DDX60: variants seen among roughly 807,000 people sequenced by gnomAD.
DDX60 encodes the protein probable ATP-dependent RNA helicase DDX60.
Under a neutral mutation model 212.8 loss-of-function variants are expected in DDX60, and 165 were observed. That is an observed-to-expected ratio of 0.78 (90% CI 0.68 to 0.88). The LOEUF is 0.88. DDX60 is among the 40% of genes least tolerant of loss of function. DDX60 has a pLI of 0.00. For missense variants in DDX60, 1,905 were observed against 2,003.9 expected, an observed-to-expected ratio of 0.95 and a Z score of 0.94; for synonymous variants, 703 against 685.3, an observed-to-expected ratio of 1.03 and a Z score of -0.40.
chr4:168,252,515 G>A lies in DDX60; in HGVS notation c.3699C>T (p.Asp1233=). The A allele has an allele frequency of 1.9e-6, 3 of 1,613,618 alleles. No individual in the cohort carries two copies. Among genetic ancestry groups the A allele is most frequent in the Non-Finnish European group, 2.5e-6 (3 of 1,179,852 alleles). The stretch of plus-strand genomic sequence containing the variant: ...TCAGGTTGTAAGTGCTGACCTCAGT[G>A]TCCACTGCTTTTTGATCAGCATATG... The part of the protein sequence containing the change: ...DCTYADQKAV[D]TETLQKVFGR... Residue 1233 remains aspartate, a synonymous_variant, in exon 27 of 38, where the codon GAC becomes GAT. Coordinates refer to ENST00000393743, the MANE Select transcript of DDX60 (RefSeq NM_017631.6).
chr4:168,251,084 C>T lies in DDX60; in HGVS notation c.3728G>A (p.Arg1243Gln), dbSNP rs1406427975. Residue 1243 changes from arginine (R) to glutamine (Q), a missense_variant, in exon 28 of 38, where the codon CGA becomes CAA. Transcript: ENST00000393743. ...TTCACCTTTTCTTTCAAATTTTACT[C>T]GACCAAATACCTTCTGCAAAGTCTA... ...DTETLQKVFGRVKFERKGEEL... is the reference protein window; with the variant it reads ...DTETLQKVFGQVKFERKGEEL... The T allele has an allele frequency of 5.0e-6, 8 of 1,612,538 alleles. No individual in the cohort carries two copies. The highest frequency in any genetic ancestry group is 1.1e-5 in the South Asian group (1 of 90,596).
In DDX60 at chr4:168,216,645, C is replaced by G. The variant is rs992478656; in HGVS notation, c.*288G>C. On this transcript the variant is annotated 3_prime_UTR_variant, in exon 38 of 38. Transcript: ENST00000393743. ...GTTATTCAGTCACATACAACATTCTCGCATTTTTTTAGTCAATCCTCAAAC... is the reference window on the plus strand; with the variant it reads ...GTTATTCAGTCACATACAACATTCTGGCATTTTTTTAGTCAATCCTCAAAC... 9.3e-6 allele frequency: 2 copies of G among 216,130 alleles called. No homozygotes were observed. Among genetic ancestry groups the G allele is most frequent in the Non-Finnish European group, 1.8e-5 (2 of 111,266 alleles). The allele number at this position is 216,130 out of a possible 1,614,324, so 13.4% of individuals were successfully genotyped here.
chr4:168,319,188 G>A (rs895042265), upstream of DDX60, among the ~76,000 whole-genome samples: 5 of 151,784 alleles, frequency 3.3e-5, no homozygotes, highest in Non-Finnish European at 7.4e-5. Flanking sequence ...ATTATTATGC[G>A]TCAATTAAAA....
At chr4:168,228,662 T>C (rs1243660727) in intron 33 of DDX60, among the ~76,000 whole-genome samples, 2 of 152,118 alleles carry the variant, frequency 1.3e-5, no homozygotes, top group African/African-American at 4.8e-5. Flanking sequence ...CAGTTCTATG[T>C]ATTATTTCAA....
intron 6 of DDX60, among the ~76,000 whole-genome samples, chr4:168,296,988 T>C (rs1736372801): frequency 6.6e-6 from 1 of 151,264 alleles, no homozygotes; most frequent in Non-Finnish European, 1.5e-5. Context: ...CTCAGCTCAC[T>C]GCAACTGCCA....
intron 33 of DDX60, 45 bp downstream of exon 33, chr4:168,236,207 T>C (rs764820281): frequency 1.9e-5 from 30 of 1,577,612 alleles, no homozygotes; most frequent in Middle Eastern, 3.5e-4. Flanking sequence ...AAGATCTATT[T>C]AGTGGTTTTA....
chr4:168,291,251 T>G (rs1736089093), intron 8 of DDX60, among the ~76,000 whole-genome samples: 1 of 151,752 alleles, frequency 6.6e-6, no homozygotes, highest in South Asian at 2.1e-4. Context: ...ATCAGAAAAA[T>G]CTATGCATTT....
intron 29 of DDX60, 37 bp downstream of exon 29, chr4:168,248,151 A>G (rs766544724): frequency 7.1e-7 from 1 of 1,414,234 alleles, no homozygotes; most frequent in Admixed American, 2.0e-5. Context: ...GCCATATTTC[A>G]GCAATACAAT....
At chr4:168,226,397 A>G (rs1290436733) in intron 33 of DDX60, among the ~76,000 whole-genome samples, 3 of 152,024 alleles carry the variant, frequency 2.0e-5, no homozygotes, top group African/African-American at 2.4e-5. Context: ...AGTGCCCATA[A>G]AAAAAGACGC....
intron 18 of DDX60, among the ~76,000 whole-genome samples, chr4:168,272,887 T>A (rs1735164678): frequency 1.3e-5 from 2 of 152,216 alleles, no homozygotes; most frequent in Admixed American, 6.5e-5. Context: ...TAACACCAGG[T>A]ATACGATCCA....
chr4:168,287,515 CAACA>C (rs1286170771), intron 9 of DDX60, among the ~76,000 whole-genome samples: 1 of 152,078 alleles, frequency 6.6e-6, no homozygotes, highest in Non-Finnish European at 1.5e-5. Context: ...CATAACTTTA[CAACA>C]AACAAAACAG....
upstream of DDX60, among the ~76,000 whole-genome samples, chr4:168,320,351 ACAGT>A (rs1203343850): frequency 6.6e-6 from 1 of 152,178 alleles, no homozygotes; most frequent in Non-Finnish European, 1.5e-5. Context: ...GATGATAGAA[ACAGT>A]CAGTGACAGA....
intron 19 of DDX60, among the ~76,000 whole-genome samples, chr4:168,271,803 A>G (rs986838943): frequency 2.0e-5 from 3 of 152,198 alleles, no homozygotes; most frequent in African/African-American, 4.8e-5. Context: ...ACAGTTGTCA[A>G]TGAAAGATTC....
At chr4:168,219,460 G>T (rs1289870484) in intron 37 of DDX60, among the ~76,000 whole-genome samples, 1 of 152,080 alleles carries the variant, frequency 6.6e-6, no homozygotes, top group African/African-American at 2.4e-5. Context: ...TTCTTGGGCT[G>T]CTCTGGAGAT....
At chr4:168,315,171 G>T (rs776985645) in intron 1 of DDX60, among the ~76,000 whole-genome samples, 2 of 152,140 alleles carry the variant, frequency 1.3e-5, no homozygotes, top group Non-Finnish European at 2.9e-5. Flanking sequence ...ACCTCTGATT[G>T]TGTTTTCAAG....
chr4:168,325,454 A>G, the DDX60 span, among the ~76,000 whole-genome samples: 5 of 152,234 alleles, frequency 3.3e-5, no homozygotes, highest in African/African-American at 4.8e-5. Flanking sequence ...TAAATTTATA[A>G]ATCAGAAATA....
chr4:168,324,073 G>A, the DDX60 span, among the ~76,000 whole-genome samples: 2 of 152,146 alleles, frequency 1.3e-5, no homozygotes, highest in South Asian at 2.1e-4. Context: ...AAGAGACTCA[G>A]GACAGGGGAG....
At chr4:168,227,125 T>C (rs1733284046) in intron 33 of DDX60, among the ~76,000 whole-genome samples, 1 of 152,040 alleles carries the variant, frequency 6.6e-6, no homozygotes, top group Non-Finnish European at 1.5e-5. Context: ...TGTTTTAATA[T>C]ACATATATAG....
At chr4:168,224,947 C>T (rs1161199277) in intron 34 of DDX60, among the ~76,000 whole-genome samples, 1 of 151,998 alleles carries the variant, frequency 6.6e-6, no homozygotes, top group African/African-American at 2.4e-5. Context: ...AAGCTTCCAT[C>T]TATTAGCTCA....
Sources: gnomAD v4.1 joint callset for allele counts (sites outside exome capture counted in the v4.1 genomes callset) on GRCh38, gnomAD v4.1.1 for gene constraint, MANE v1.5 for transcripts, NCBI Gene and HGNC (gene_info 2026-07-23, HGNC 2026-07-21) for gene names.